TNFSF4: variants seen among roughly 807,000 people sequenced by gnomAD.
TNFSF4 encodes the protein tumor necrosis factor ligand superfamily member 4.
A neutral mutation model predicts 7.3 loss-of-function variants in TNFSF4; 4 were observed. That is an observed-to-expected ratio of 0.55 (90% CI 0.27 to 1.25). The LOEUF is 1.25. TNFSF4 is among the 50% of genes most tolerant of loss of function. TNFSF4 has a pLI of 0.12. For synonymous variants in TNFSF4, 76 were observed against 83.7 expected (o/e 0.91, Z 0.50); for missense variants, 181 against 208.8 (o/e 0.87, Z 0.82).
At chr1:173,347,333 G>A in the TNFSF4 span, among the ~76,000 whole-genome samples, 1 of 152,088 alleles carries the variant, frequency 6.6e-6, no homozygotes, top group Non-Finnish European at 1.5e-5. Flanking sequence ...TTTATTTAAA[G>A]TAAATGTTCT....
the TNFSF4 span, among the ~76,000 whole-genome samples, chr1:173,346,486 T>C: frequency 0.21 from 31,306 of 152,108 alleles, 3,506 homozygotes; most frequent in Middle Eastern, 0.27. Context: ...GTTCCCTACC[T>C]GGAAGCTGAA....
chr1:173,380,911 T>C, the TNFSF4 span, among the ~76,000 whole-genome samples: 4 of 152,306 alleles, frequency 2.6e-5, no homozygotes, highest in Admixed American at 6.5e-5. Context: ...CGTCGACCTA[T>C]ATCTGCCTCC....
the TNFSF4 span, among the ~76,000 whole-genome samples, chr1:173,219,871 A>T: frequency 6.6e-6 from 1 of 152,176 alleles, no homozygotes. Context: ...CATAAGAATG[A>T]TACAATGGAC....
the TNFSF4 span, among the ~76,000 whole-genome samples, chr1:173,396,233 A>T: frequency 6.6e-6 from 1 of 152,130 alleles, no homozygotes; most frequent in Non-Finnish European, 1.5e-5. Context: ...TTTGGAGCCA[A>T]GCATGGTGGC....
At chr1:173,415,837 C>A in the TNFSF4 span, among the ~76,000 whole-genome samples, 1 of 152,138 alleles carries the variant, frequency 6.6e-6, no homozygotes, top group African/African-American at 2.4e-5. Context: ...GGTTGAGGGC[C>A]TGTTTTTGTT....
chr1:173,308,285 C>CTG, the TNFSF4 span, among the ~76,000 whole-genome samples: 311 of 135,108 alleles, frequency 2.3e-3, 3 homozygotes, highest in South Asian at 7.8e-3. Flanking sequence ...CTCTCTCTCT[C>CTG]TGTGTGTGTG....
chr1:173,409,777 C>T, the TNFSF4 span, among the ~76,000 whole-genome samples: 1 of 152,124 alleles, frequency 6.6e-6, no homozygotes. Flanking sequence ...GCAGTGGTTA[C>T]GCTGGCAGGA....
chr1:173,204,069 G>C (rs1234330617), intron 1 of TNFSF4, among the ~76,000 whole-genome samples: 1 of 152,142 alleles, frequency 6.6e-6, no homozygotes, highest in African/African-American at 2.4e-5. Flanking sequence ...ATTTAGATAT[G>C]TACAGAATAT....
the TNFSF4 span, among the ~76,000 whole-genome samples, chr1:173,345,395 T>C: frequency 5.3e-5 from 8 of 152,220 alleles, 1 homozygote; most frequent in African/African-American, 1.9e-4. Context: ...TCTGTAACCA[T>C]TGCAACAGAG....
the TNFSF4 span, among the ~76,000 whole-genome samples, chr1:173,422,974 A>AT: frequency 1.5e-3 from 229 of 149,086 alleles, 1 homozygote; most frequent in African/African-American, 5.4e-3. Context: ...ATATATGTAC[A>AT]TTTTTTTTTT....
chr1:173,205,615 C>T, intron 1 of TNFSF4: 1 of 1,121,116 alleles, frequency 8.9e-7, no homozygotes, highest in Non-Finnish European at 1.1e-6. Context: ...AAAGCACTCT[C>T]AGGGCTCCCA....
the TNFSF4 span, among the ~76,000 whole-genome samples, chr1:173,260,642 C>T: frequency 1.1e-4 from 17 of 151,990 alleles, no homozygotes; most frequent in Non-Finnish European, 2.2e-4. Flanking sequence ...AAGGGATGGA[C>T]GAATATTTAT....
chr1:173,364,320 TTTTAAG>T, the TNFSF4 span, among the ~76,000 whole-genome samples: 2 of 149,334 alleles, frequency 1.3e-5, no homozygotes, highest in African/African-American at 4.9e-5. Context: ...ATCATCTTGT[TTTTAAG>T]TTTATTTTTT....
chr1:173,330,344 T>C, the TNFSF4 span, among the ~76,000 whole-genome samples: 1 of 150,982 alleles, frequency 6.6e-6, no homozygotes, highest in African/African-American at 2.4e-5. Context: ...TATTGTTATA[T>C]ATGTTTTGTT....
chr1:173,412,591 T>G, the TNFSF4 span, among the ~76,000 whole-genome samples: 1 of 152,208 alleles, frequency 6.6e-6, no homozygotes, highest in Non-Finnish European at 1.5e-5. Flanking sequence ...TATATGTATT[T>G]AGCAAAGGAC....
chr1:173,351,855 G>C, the TNFSF4 span: 4 of 596,538 alleles, frequency 6.7e-6, no homozygotes, highest in Non-Finnish European at 1.2e-5. Context: ...TGGCACAACT[G>C]TCCATGTAGG....
chr1:173,369,438 G>A, the TNFSF4 span, among the ~76,000 whole-genome samples: 1 of 152,178 alleles, frequency 6.6e-6, no homozygotes, highest in Non-Finnish European at 1.5e-5. Context: ...ACCTTCCTCA[G>A]TCCTCTTTGT....
chr1:173,345,407 A>G, the TNFSF4 span, among the ~76,000 whole-genome samples: 1 of 152,218 alleles, frequency 6.6e-6, no homozygotes, highest in African/African-American at 2.4e-5. Context: ...GCAACAGAGA[A>G]AGAGAGACCT....
At chr1:173,350,284 T>C in the TNFSF4 span, among the ~76,000 whole-genome samples, 3 of 152,220 alleles carry the variant, frequency 2.0e-5, no homozygotes, top group African/African-American at 7.2e-5. Context: ...AAAATGGGTT[T>C]TTTAAGTAAC....
Sources: gnomAD v4.1 joint callset for allele counts (sites outside exome capture counted in the v4.1 genomes callset) on GRCh38, gnomAD v4.1.1 for gene constraint, MANE v1.5 for transcripts, NCBI Gene and HGNC (gene_info 2026-07-23, HGNC 2026-07-21) for gene names.